The following CTNNA2 variants were observed in gnomAD, a reference collection of about 807,000 sequenced individuals.
The protein encoded by CTNNA2 is catenin alpha 2, also known as catenin alpha-2.
CTNNA2 carries 42 observed loss-of-function variants against 101.0 expected under a neutral mutation model. The ratio of observed to expected loss-of-function variants is 0.42; its 90% confidence interval spans 0.32 to 0.54. The LOEUF is 0.54. CTNNA2 is among the 20% of genes least tolerant of loss of function. The pLI is 0.14. For synonymous variants in CTNNA2, 450 were observed against 456.4 expected (o/e 0.99, Z 0.18); for missense variants, 871 against 1,223.1 (o/e 0.71, Z 4.29).
chr2:79,460,335 G>A (rs781233037), intron 4 of CTNNA2, among the ~76,000 whole-genome samples: 5 of 151,988 alleles, frequency 3.3e-5, no homozygotes, highest in Middle Eastern at 3.4e-3. Context: ...TGTGTTCTAC[G>A]TTCACACCCT....
chr2:80,480,134 T>A (rs1686037891), intron 9 of CTNNA2, among the ~76,000 whole-genome samples: 1 of 152,116 alleles, frequency 6.6e-6, no homozygotes, highest in African/African-American at 2.4e-5. Context: ...TACCCATTAT[T>A]TGCATGTTAA....
At chr2:80,351,910 A>T (rs182890704) in intron 7 of CTNNA2, among the ~76,000 whole-genome samples, 2 of 152,104 alleles carry the variant, frequency 1.3e-5, no homozygotes, top group Non-Finnish European at 2.9e-5. Flanking sequence ...AACATTCAGC[A>T]TATTAGCCAC....
At position 80,230,958 on chromosome 2, in the gene CTNNA2, G is replaced by GTTTGT. The variant is rs111940943; in HGVS notation, c.1057-162229_1057-162225dup. On this transcript the variant is annotated intron_variant, in intron 7 of 18. Transcript: ENST00000402739. ...GACGTAGAATGATTGTGTTCCTGGT[G>GTTTGT]TTTGTTTTGTTTTGTTTTGTTTTGT... 8.6e-3 allele frequency among the ~76,000 whole-genome samples: 1,301 copies of GTTTGT among 151,348 alleles called. 21 individuals carry two copies. The highest frequency in any genetic ancestry group is 0.029 in the African/African-American group (1,197 of 40,938).
chr2:80,125,422 T>G (rs1040779484), intron 7 of CTNNA2, among the ~76,000 whole-genome samples: 1 of 152,166 alleles, frequency 6.6e-6, no homozygotes, highest in Admixed American at 6.5e-5. Flanking sequence ...TCAATGGGAC[T>G]GTAGACAGCT....
chr2:79,374,931 T>TA (rs1677949907), intron 4 of CTNNA2, among the ~76,000 whole-genome samples: 1 of 152,148 alleles, frequency 6.6e-6, no homozygotes, highest in South Asian at 2.1e-4. Context: ...TACAATCTAA[T>TA]AAAAATTTAA....
At chr2:79,818,416 G>A (rs1271755675) in intron 3 of CTNNA2, among the ~76,000 whole-genome samples, 1 of 151,996 alleles carries the variant, frequency 6.6e-6, no homozygotes, top group African/African-American at 2.4e-5. Flanking sequence ...GGTTTCAAGT[G>A]ATTCTCCTAC....
At chr2:80,348,042 A>C (rs1168364865) in intron 7 of CTNNA2, among the ~76,000 whole-genome samples, 1 of 152,070 alleles carries the variant, frequency 6.6e-6, no homozygotes, top group Non-Finnish European at 1.5e-5. Flanking sequence ...GGTACAACAG[A>C]GTTTGAGAGC....
intron 4 of CTNNA2, among the ~76,000 whole-genome samples, chr2:79,377,457 G>A (rs902905936): frequency 1.3e-5 from 2 of 152,160 alleles, no homozygotes; most frequent in Non-Finnish European, 2.9e-5. Flanking sequence ...CATAATTGTA[G>A]ACAGACAATT....
chr2:79,424,291 G>A (rs918086086), intron 4 of CTNNA2, among the ~76,000 whole-genome samples: 3 of 152,084 alleles, frequency 2.0e-5, no homozygotes, highest in African/African-American at 7.2e-5. Flanking sequence ...TTCTCTCTGA[G>A]TTTTCTTCAG....
At chr2:80,454,034 A>G (rs1012976681) in intron 9 of CTNNA2, among the ~76,000 whole-genome samples, 1 of 152,314 alleles carries the variant, frequency 6.6e-6, no homozygotes. Context: ...AGAAAAAAAA[A>G]GAAAAGAATA....
intron 7 of CTNNA2, among the ~76,000 whole-genome samples, chr2:80,173,873 G>A (rs1573299792): frequency 6.6e-6 from 1 of 152,120 alleles, no homozygotes; most frequent in African/African-American, 2.4e-5. Context: ...GCCTGCAATA[G>A]GAAGATGTGA....
chr2:80,158,173 CAG>C lies in CTNNA2; in HGVS notation c.1057-235033_1057-235032del, dbSNP rs1271728615. 1.1e-4 allele frequency among the ~76,000 whole-genome samples: 16 copies of C among 152,244 alleles called. No individual in the cohort carries two copies. In the South Asian group the frequency reaches 3.3e-3, roughly 32 times the overall value. ...ATTAATTATGAACCAAAGAGATCAT[CAG>C]AGAGTAAGGTTGCCCCAAGGTCTGT... On this transcript the variant is annotated intron_variant, in intron 7 of 18. Transcript: ENST00000402739.
intron 1 of CTNNA2, among the ~76,000 whole-genome samples, chr2:79,585,743 C>A (rs1240652822): frequency 4.6e-5 from 7 of 151,566 alleles, no homozygotes; most frequent in African/African-American, 1.7e-4. Flanking sequence ...CTCCCCCGGA[C>A]AACATGGCCA....
intron 11 of CTNNA2, among the ~76,000 whole-genome samples, chr2:80,554,264 A>G (rs1290738167): frequency 6.6e-6 from 1 of 152,338 alleles, no homozygotes; most frequent in South Asian, 2.1e-4. Flanking sequence ...ATTTAAAATC[A>G]GAACTAGCCC....
At chr2:80,115,363 A>T (rs1226153763) in intron 7 of CTNNA2, among the ~76,000 whole-genome samples, 1 of 152,192 alleles carries the variant, frequency 6.6e-6, no homozygotes, top group Non-Finnish European at 1.5e-5. Context: ...ATTGGTTGAG[A>T]GAATGGAACC....
At chr2:80,621,068 T>C (rs2149807367) in intron 18 of CTNNA2, among the ~76,000 whole-genome samples, 1 of 152,052 alleles carries the variant, frequency 6.6e-6, no homozygotes, top group South Asian at 2.1e-4. Context: ...GAGTGGAGGT[T>C]GCATTAATTT....
chr2:79,368,246 C>G (rs1677793325), intron 3 of CTNNA2, among the ~76,000 whole-genome samples: 3 of 152,224 alleles, frequency 2.0e-5, no homozygotes. Flanking sequence ...TTTCTATGGT[C>G]TTTGCCTAGA....
chr2:79,890,940 G>A (rs965354743), intron 6 of CTNNA2, among the ~76,000 whole-genome samples: 6 of 146,000 alleles, frequency 4.1e-5, no homozygotes, highest in Non-Finnish European at 6.0e-5. Flanking sequence ...TTTTATAAGG[G>A]CACTAATCCC....
chr2:79,658,806 G>T (rs915378845), intron 2 of CTNNA2, among the ~76,000 whole-genome samples: 2 of 151,974 alleles, frequency 1.3e-5, no homozygotes, highest in Non-Finnish European at 2.9e-5. Flanking sequence ...CTCCTAAGAA[G>T]AGGAGCTCTC....
Sources: allele counts gnomAD v4.1 joint callset (sites outside exome capture counted in the v4.1 genomes callset), GRCh38; gene constraint gnomAD v4.1.1; transcripts MANE v1.5; gene names NCBI Gene and HGNC (gene_info 2026-07-23, HGNC 2026-07-21).